Variants in RAP1GAP observed in about 807,000 individuals in gnomAD.
RAP1GAP encodes the protein rap1 GTPase-activating protein 1.
A neutral mutation model predicts 87.2 loss-of-function variants in RAP1GAP; 35 were observed. That is an observed-to-expected ratio of 0.40 (90% CI 0.31 to 0.53). The LOEUF is 0.53. RAP1GAP is among the 20% of genes least tolerant of loss of function. RAP1GAP has a pLI of 0.48. For missense variants in RAP1GAP, 734 were observed against 898.9 expected (o/e 0.82, Z 2.35); for synonymous variants, 375 against 363.9 (o/e 1.03, Z -0.35).
At chr1:21,611,980 A>G (rs954387308) in intron 11 of RAP1GAP, 46 bp downstream of exon 11, 1 of 1,497,874 alleles carries the variant, frequency 6.7e-7, no homozygotes, top group Admixed American at 1.9e-5. Flanking sequence ...GAGGCTCCAG[A>G]TATGGGGCCA....
Position 21,599,472 on chromosome 1 carries a change from CT to C in RAP1GAP, c.1776+21del, listed in dbSNP as rs767369856. The C allele has an allele frequency of 1.3e-5, 21 of 1,599,964 alleles. No homozygotes were observed. In the East Asian group the frequency reaches 3.8e-4, roughly 29 times the overall value. On this transcript the variant is annotated intron_variant, in intron 21 of 24. Coordinates refer to ENST00000374765, the MANE Select transcript of RAP1GAP (RefSeq NM_002885.4). Reference sequence around the variant, plus strand: ...CCCCTTCCAAGCTCCTGTGGGGCCCCTGACCCCCCTGAGCCTCTCACCAGGC... The same window carrying C: ...CCCCTTCCAAGCTCCTGTGGGGCCCCGACCCCCCTGAGCCTCTCACCAGGC...
chr1:21,646,414 C>G (rs943032511), intron 2 of RAP1GAP, among the ~76,000 whole-genome samples: 2 of 152,236 alleles, frequency 1.3e-5, no homozygotes, highest in Non-Finnish European at 2.9e-5. Context: ...TCAAATCCAG[C>G]CTTCACCAGC....
chr1:21,636,811 T>TAGAA (rs1403621130), intron 2 of RAP1GAP, among the ~76,000 whole-genome samples: 1 of 139,908 alleles, frequency 7.1e-6, no homozygotes, highest in Non-Finnish European at 1.6e-5. Flanking sequence ...CCATCTCAAA[T>TAGAA]AGAAAGAAAG....
chr1:21,607,092 C>G (rs142194486), intron 17 of RAP1GAP, among the ~76,000 whole-genome samples: 1 of 152,292 alleles, frequency 6.6e-6, no homozygotes, highest in East Asian at 1.9e-4. Flanking sequence ...GTGACCTGTC[C>G]TGGGTTGAGG....
At chr1:21,626,450 G>T in intron 2 of RAP1GAP, 53 bp from the exon 3 acceptor site, 1 of 1,438,568 alleles carries the variant, frequency 7.0e-7, no homozygotes, top group Non-Finnish European at 9.8e-7. Context: ...GGAAATTTGG[G>T]AACTCTGGGA....
intron 13 of RAP1GAP, among the ~76,000 whole-genome samples, chr1:21,611,020 T>C (rs2077875841): frequency 6.6e-6 from 1 of 152,162 alleles, no homozygotes; most frequent in African/African-American, 2.4e-5. Context: ...GTAGAAGCTG[T>C]TCTCGCCACC....
chr1:21,611,593 C>T lies in RAP1GAP; in HGVS notation c.714-12G>A, dbSNP rs745344768. The T allele has an allele frequency of 1.8e-5, 29 of 1,613,794 alleles. No homozygotes were observed. The highest frequency in any genetic ancestry group is 2.5e-5 in the Non-Finnish European group (29 of 1,179,954). On this transcript the variant is annotated splice_polypyrimidine_tract_variant and intron_variant, in intron 12 of 24. Transcript: ENST00000374765. ...GGCCTCCTCGGAACCTGCCCCGGGGCCCCCCAGGCCACGCCTCAGTCTCCA... is the reference window on the plus strand; with the variant it reads ...GGCCTCCTCGGAACCTGCCCCGGGGTCCCCCAGGCCACGCCTCAGTCTCCA...
At chr1:21,621,291 G>T (rs1005627058) in intron 3 of RAP1GAP, among the ~76,000 whole-genome samples, 12 of 152,180 alleles carry the variant, frequency 7.9e-5, no homozygotes, top group Non-Finnish European at 1.5e-4. Context: ...ATGGCTACAA[G>T]CCCTGCCTGC....
chr1:21,637,904 G>A (rs1445477823), intron 2 of RAP1GAP, among the ~76,000 whole-genome samples: 1 of 145,050 alleles, frequency 6.9e-6, no homozygotes, highest in African/African-American at 2.6e-5. Flanking sequence ...GGAGGCCAAG[G>A]CAGGCGGATC....
At chr1:21,604,576 C>G (rs1006349254) in intron 18 of RAP1GAP, among the ~76,000 whole-genome samples, 1 of 152,112 alleles carries the variant, frequency 6.6e-6, no homozygotes, top group African/African-American at 2.4e-5. Context: ...TCTCGGCCAC[C>G]CACAGGAGGC....
At chr1:21,646,279 C>A (rs1571274717) in intron 2 of RAP1GAP, among the ~76,000 whole-genome samples, 1 of 152,190 alleles carries the variant, frequency 6.6e-6, no homozygotes, top group African/African-American at 2.4e-5. Context: ...CAGTGACTCC[C>A]GTTTGGGTGG....
chr1:21,602,973 C>T, intron 18 of RAP1GAP, 60 bp from the exon 19 acceptor site: 4 of 1,275,292 alleles, frequency 3.1e-6, no homozygotes, highest in Non-Finnish European at 4.4e-6. Flanking sequence ...GCCCCCCCCA[C>T]ATCCCCTCTG....
intron 2 of RAP1GAP, among the ~76,000 whole-genome samples, chr1:21,643,574 AAGAAAAAAG>A (rs781625370): frequency 7.9e-6 from 1 of 127,270 alleles, no homozygotes; most frequent in Non-Finnish European, 1.7e-5. Flanking sequence ...AAAAAAAAAA[AAGAAAAAAG>A]AAAAAAAGAA....
At chr1:21,629,238 G>A (rs544240148) in intron 2 of RAP1GAP, among the ~76,000 whole-genome samples, 61 of 152,246 alleles carry the variant, frequency 4.0e-4, no homozygotes, top group African/African-American at 1.4e-3. Context: ...GGTAAAGCTG[G>A]AGTGCTGGGT....
rs1341622687 is a variant in RAP1GAP at position 21,612,994 on chromosome 1, G to A, written c.528+182C>T. ...GCCCTCCTATCTGCTGTGCACCCTG[G>A]GGGAAGGCACAGGCCCTTTCGGTGG... On this transcript the variant is annotated intron_variant, in intron 10 of 24. Transcript: ENST00000374765. 2.1e-5 allele frequency: 14 copies of A among 674,554 alleles called. No homozygotes were observed. In the East Asian group the frequency reaches 3.0e-4, roughly 15 times the overall value. The allele number at this position is 674,554 out of a possible 1,614,324, so 41.8% of individuals were successfully genotyped here.
intron 1 of RAP1GAP, chr1:21,665,282 C>T (rs770669981): frequency 2.3e-5 from 12 of 516,816 alleles, no homozygotes; most frequent in Admixed American, 5.8e-5. Context: ...AATGGGGGTC[C>T]GAGGGAGGGT....
chr1:21,660,339 C>CCATATATATATA (rs1553503814), intron 1 of RAP1GAP, among the ~76,000 whole-genome samples: 10 of 52,840 alleles, frequency 1.9e-4, no homozygotes, highest in Admixed American at 5.3e-4. Context: ...TCCAACTCAG[C>CCATATATATATA]TATATATATT....
chr1:21,617,376 G>A lies in RAP1GAP; in HGVS notation c.221C>T (p.Ser74Leu), dbSNP rs1455372762. The A allele has an allele frequency of 6.9e-6, 11 of 1,601,424 alleles. No individual in the cohort carries two copies. The highest frequency in any genetic ancestry group is 1.6e-4 in the Middle Eastern group (1 of 6,064). The change falls in exon 7 of 25, where the codon TCG becomes TTG. Residue 74 changes from serine (S) to leucine (L), a missense_variant. Transcript: ENST00000374765. ...TSIPETEPLQ[S>L]PTTKVKLECN... ...CTCGAGCTTCACCTTGGTTGTGGGCGACTGCAGTGGCTCTGTCTCGGGGAT... is the reference window on the plus strand; with the variant it reads ...CTCGAGCTTCACCTTGGTTGTGGGCAACTGCAGTGGCTCTGTCTCGGGGAT...
chr1:21,602,702 G>T, intron 19 of RAP1GAP, 102 bp downstream of exon 19: 1 of 1,018,504 alleles, frequency 9.8e-7, no homozygotes, highest in South Asian at 1.6e-5. Context: ...GGATGGAGAG[G>T]CAGAGGGGCG....
Sources: gnomAD v4.1 joint callset for allele counts (sites outside exome capture counted in the v4.1 genomes callset) on GRCh38, gnomAD v4.1.1 for gene constraint, MANE v1.5 for transcripts, NCBI Gene and HGNC (gene_info 2026-07-23, HGNC 2026-07-21) for gene names.